UNC13A: variants seen among roughly 807,000 people sequenced by gnomAD.
UNC13A encodes unc-13 homolog A.
UNC13A carries 61 observed loss-of-function variants against 219.7 expected under a neutral mutation model. That is an observed-to-expected ratio of 0.28 (90% CI 0.23 to 0.34). UNC13A has a LOEUF of 0.34. UNC13A is among the 10% of genes least tolerant of loss of function. The pLI is 1.00. For synonymous variants in UNC13A, 920 were observed against 884.6 expected, an observed-to-expected ratio of 1.04 and a Z score of -0.71; for missense variants, 1,476 against 2,270.3, an observed-to-expected ratio of 0.65 and a Z score of 7.11.
chr19:17,610,371 CAGG>C (rs938754456), intron 42 of UNC13A, among the ~76,000 whole-genome samples: 1 of 152,140 alleles, frequency 6.6e-6, no homozygotes, highest in Non-Finnish European at 1.5e-5. Flanking sequence ...GGGGCTAAAG[CAGG>C]AGGATTGCTT....
intron 40 of UNC13A, 128 bp downstream of exon 40, chr19:17,618,293 A>T: frequency 9.8e-7 from 1 of 1,023,142 alleles, no homozygotes; most frequent in Non-Finnish European, 1.4e-6. Context: ...TGGCACAGAC[A>T]GGGGAACGAG....
intron 1 of UNC13A, 49 bp downstream of exon 1, chr19:17,688,129 C>T: frequency 6.6e-7 from 1 of 1,519,952 alleles, no homozygotes; most frequent in African/African-American, 1.4e-5. Context: ...GGACCCCGAC[C>T]CCAGCCCGCG....
At chr19:17,669,800 T>G in intron 4 of UNC13A, 124 bp from the exon 5 acceptor site, 13 of 1,115,380 alleles carry the variant, frequency 1.2e-5, no homozygotes, top group Non-Finnish European at 1.6e-5. Context: ...GTCCCCTCTC[T>G]ATCTTTCCTT....
chr19:17,666,668 C>A lies in UNC13A; in HGVS notation c.505G>T (p.Val169Phe), dbSNP rs755637752. 5.2e-6 allele frequency: 8 copies of A among 1,530,410 alleles called. No individual in the cohort carries two copies. The highest frequency in any genetic ancestry group is 1.3e-5 in the South Asian group (1 of 78,176). The allele number at this position is 1,530,410 out of a possible 1,614,324, so 94.8% of individuals were successfully genotyped here. ...FQDEQDKPLP[V>F]PSNQCCNWNY... Reference sequence around the variant, plus strand: ...TACTTACAGCACTGGTTGCTGGGGACAGGCAGAGGCTTGTCTTGCTCATCT... The same window carrying A: ...TACTTACAGCACTGGTTGCTGGGGAAAGGCAGAGGCTTGTCTTGCTCATCT... The change falls in exon 7 of 44, where the codon GTC becomes TTC. Residue 169 changes from valine to phenylalanine, a missense_variant. By Grantham distance (50) the Val-to-Phe change is conservative. This residue lies in a region of UNC13A where 203 missense variants were observed against 301.6 expected (regional missense o/e 0.67). Transcript: ENST00000519716.
Position 17,664,580 on chromosome 19 carries a change from C to T in UNC13A, c.524-1013G>A, listed in dbSNP as rs989653420. ...TCCCAAAATGAACCTGCCCCTAGCT[C>T]TAGTCCATCTGCCCAGGGGCTCTCT... is the stretch of plus-strand genomic sequence containing the variant. On this transcript the variant is annotated intron_variant, in intron 7 of 43. Transcript: ENST00000519716. 5.9e-5 allele frequency among the ~76,000 whole-genome samples: 9 copies of T among 152,300 alleles called. No homozygotes were observed. In the East Asian group the frequency reaches 1.7e-3, roughly 29 times the overall value.
rs1484071387 is a variant in UNC13A at position 17,660,562 on chromosome 19, C to T, written c.560-2293G>A. ...TTTTTTTTTTTTTGAGACAGAGTCTCGCTCTGTCACCCAGGCTGGAGTGCA... is the reference window on the plus strand; with the variant it reads ...TTTTTTTTTTTTTGAGACAGAGTCTTGCTCTGTCACCCAGGCTGGAGTGCA... On this transcript the variant is annotated intron_variant, in intron 8 of 43. Transcript: ENST00000519716. Among the ~76,000 whole-genome samples, 14 of 140,444 alleles carry T rather than the reference C, an allele frequency of 1.0e-4. No individual in the cohort carries two copies. The East Asian group carries it at 1.7e-3, about 17-fold the overall frequency. 92.1% of individuals were successfully genotyped at this position (140,444 alleles called of 152,430 possible).
chr19:17,639,285 G>A (rs952763277), intron 24 of UNC13A, 68 bp from the exon 25 acceptor site: 29 of 1,602,870 alleles, frequency 1.8e-5, no homozygotes, highest in Admixed American at 3.4e-5. Context: ...GTGACTGCGA[G>A]TCATTTTGGG....
chr19:17,636,521 T>C (rs1375440230), intron 25 of UNC13A, among the ~76,000 whole-genome samples: 1 of 152,246 alleles, frequency 6.6e-6, no homozygotes, highest in Non-Finnish European at 1.5e-5. Flanking sequence ...TCAATGGAAC[T>C]GAACTTGGGC....
intron 8 of UNC13A, among the ~76,000 whole-genome samples, chr19:17,661,805 G>T (rs1277136665): frequency 1.3e-5 from 2 of 152,156 alleles, no homozygotes; most frequent in Non-Finnish European, 2.9e-5. Flanking sequence ...TCTGGTCTGT[G>T]GCCTGTTAGG....
chr19:17,675,814 C>T lies in UNC13A; in HGVS notation c.52+198G>A, dbSNP rs554224495. ...CTCTCCAAGGATGGCTGGGGAGACCCGGGGACCCCCATACAAACTGCAGGG... is the reference window on the plus strand; with the variant it reads ...CTCTCCAAGGATGGCTGGGGAGACCTGGGGACCCCCATACAAACTGCAGGG... On this transcript the variant is annotated intron_variant, in intron 2 of 43. Coordinates refer to ENST00000519716, the MANE Select transcript of UNC13A (RefSeq NM_001080421.3). 6.8e-4 allele frequency among the ~76,000 whole-genome samples: 104 copies of T among 152,150 alleles called. 1 individual carries two copies. The South Asian group carries it at 7.5e-3, about 11-fold the overall frequency.
intron 34 of UNC13A, chr19:17,626,382 A>C: frequency 2.2e-6 from 1 of 462,154 alleles, no homozygotes; most frequent in Admixed American, 3.9e-5. Flanking sequence ...GCGTCCACCC[A>C]CCTACCCATC....
Position 17,672,453 on chromosome 19 carries a change from C to G in UNC13A, c.195G>C (p.Trp65Cys). The stretch of plus-strand genomic sequence containing the variant: ...TTGTGTCCCAGATGAGACCCTTATT[C>G]CACACCTCCACCGTCAGTCCCAAAT... The part of the protein sequence containing the change: ...RLDLGLTVEV[W>C]NKGLIWDTMV... The change falls in exon 4 of 44, where the codon TGG becomes TGC. Residue 65 changes from tryptophan to cysteine, a missense_variant. Transcript: ENST00000519716. The G allele has an allele frequency of 6.2e-7, 1 of 1,613,862 alleles. No individual in the cohort carries two copies. The highest frequency in any genetic ancestry group is 8.5e-7 in the Non-Finnish European group (1 of 1,179,852).
At chr19:17,611,717 T>G in intron 42 of UNC13A, 46 bp downstream of exon 42, 2 of 1,554,390 alleles carry the variant, frequency 1.3e-6, no homozygotes, top group Non-Finnish European at 1.8e-6. Context: ...TGAGTTTGGT[T>G]TCTGTTTTAG....
Position 17,656,390 on chromosome 19 carries a change from C to T in UNC13A, c.776G>A (p.Gly259Asp). ...FSEPQALSPT[G>D]SSRYASSGEL... ...CCCGGAAGAGGCATAGCGGCTGCTA[C>T]CCGTGGGGCTGTGGGGATGGAACAG... Residue 259 changes from glycine to aspartate, a missense_variant, in exon 10 of 44, where the codon GGT becomes GAT. Around this residue, in one of 14 missense-constraint regions of UNC13A, gnomAD observed 351 missense variants for 342.6 expected, o/e 1.02. Transcript: ENST00000519716. 1 of 1,529,472 alleles carries T rather than the reference C, an allele frequency of 6.5e-7. No individual in the cohort carries two copies. The highest frequency in any genetic ancestry group is 1.7e-4 in the Middle Eastern group (1 of 5,880). The allele number at this position is 1,529,472 out of a possible 1,614,324, so 94.7% of individuals were successfully genotyped here.
chr19:17,676,644 G>C (rs1462874571), intron 1 of UNC13A, among the ~76,000 whole-genome samples: 1 of 152,182 alleles, frequency 6.6e-6, no homozygotes. Context: ...AATGTCAAAT[G>C]CTCCCAGGGT....
Position 17,617,709 on chromosome 19 carries a change from C to A in UNC13A, c.4551G>T (p.Ser1517=), listed in dbSNP as rs2076682591. ...LLIKTFVQTQ[S]AQGLGVEDPV... ...CGGTCTGGGTACCCTTACCCTGGGC[C>A]GATTGCGTCTGTACAAAGGTCTTGA... The change falls in exon 41 of 44, where the codon TCG becomes TCT. Residue 1517 remains serine, a synonymous_variant. Coordinates refer to ENST00000519716, the MANE Select transcript of UNC13A (RefSeq NM_001080421.3). The A allele has an allele frequency of 5.6e-6, 9 of 1,613,592 alleles. No individual in the cohort carries two copies. Among genetic ancestry groups the A allele is most frequent in the Non-Finnish European group, 6.8e-6 (8 of 1,179,544 alleles).
chr19:17,682,960 G>A (rs1190138655), intron 1 of UNC13A, among the ~76,000 whole-genome samples: 1 of 152,206 alleles, frequency 6.6e-6, no homozygotes, highest in Non-Finnish European at 1.5e-5. Flanking sequence ...AGCTACTCAG[G>A]AGGCTGAGGC....
chr19:17,629,377 C>A, intron 30 of UNC13A, 54 bp from the exon 31 acceptor site: 3 of 1,506,234 alleles, frequency 2.0e-6, no homozygotes, highest in Non-Finnish European at 2.7e-6. Flanking sequence ...AAGGCAGGCG[C>A]CAGTCGTCCC....
chr19:17,688,308 C>T lies in UNC13A; in HGVS notation c.-109G>A, dbSNP rs1274388255. On this transcript the variant is annotated 5_prime_UTR_variant, in exon 1 of 44. It adds an upstream start codon to the 5' untranslated region. Transcript: ENST00000519716. ...CCGGCTGCAGCCCGCGCTTGGCTCA[C>T]GCCGGGGCCCGGCCGCCACCGGCCA... The T allele has an allele frequency of 7.5e-7, 1 of 1,332,004 alleles. No individual in the cohort carries two copies. The highest frequency in any genetic ancestry group is 9.6e-7 in the Non-Finnish European group (1 of 1,041,114). The allele number at this position is 1,332,004 out of a possible 1,614,324, so 82.5% of individuals were successfully genotyped here.
Sources: allele counts gnomAD v4.1 joint callset (sites outside exome capture counted in the v4.1 genomes callset), GRCh38; gene constraint gnomAD v4.1.1; regional missense constraint gnomAD v4.1.1; transcripts MANE v1.5; gene names NCBI Gene and HGNC (gene_info 2026-07-23, HGNC 2026-07-21).